The following RIN2 variants were observed in gnomAD, a reference collection of about 807,000 sequenced individuals.
RIN2 encodes RAB5 interacting protein 2.
RIN2 carries 36 observed loss-of-function variants against 78.0 expected under a neutral mutation model. The ratio of observed to expected loss-of-function variants is 0.46; its 90% CI spans 0.35 to 0.61. The LOEUF (loss-of-function observed/expected upper bound fraction) is 0.61, where lower values mean the gene tolerates loss of function less well. RIN2 is among the 20% of genes least tolerant of loss of function. RIN2 has a pLI of 0.00. For missense variants in RIN2, 1,087 were observed against 1,159.7 expected (o/e 0.94, Z 0.91); for synonymous variants, 466 against 466.8 (o/e 1.00, Z 0.02).
intron 3 of RIN2, among the ~76,000 whole-genome samples, chr20:19,920,328 C>T (rs1176103107): frequency 8.6e-5 from 13 of 151,892 alleles, no homozygotes; most frequent in Admixed American, 7.2e-4. Context: ...AACTTCATCC[C>T]TTGTGGTACT....
intron 2 of RIN2, among the ~76,000 whole-genome samples, chr20:19,879,464 C>T (rs2037953478): frequency 6.6e-6 from 1 of 152,198 alleles, no homozygotes; most frequent in Non-Finnish European, 1.5e-5. Context: ...AGACACTGTG[C>T]TTCCGCTGAC....
At chr20:19,945,035 TAGAATC>T (rs1323603676) in intron 4 of RIN2, among the ~76,000 whole-genome samples, 1 of 152,230 alleles carries the variant, frequency 6.6e-6, no homozygotes, top group Non-Finnish European at 1.5e-5. Context: ...TCCAGGCACT[TAGAATC>T]AGAAGTTCTT....
At chr20:19,860,532 A>G (rs1427037260) in intron 2 of RIN2, among the ~76,000 whole-genome samples, 2 of 152,132 alleles carry the variant, frequency 1.3e-5, no homozygotes, top group African/African-American at 4.8e-5. Flanking sequence ...CATGTTGGCC[A>G]TACTCGTCTC....
At chr20:19,759,181 A>T (rs1053114165) in intron 1 of RIN2, among the ~76,000 whole-genome samples, 1 of 152,238 alleles carries the variant, frequency 6.6e-6, no homozygotes, top group Non-Finnish European at 1.5e-5. Context: ...ATATGTTGCC[A>T]AGAAATACAG....
At chr20:19,943,751 G>C (rs1418870263) in intron 4 of RIN2, among the ~76,000 whole-genome samples, 1 of 151,998 alleles carries the variant, frequency 6.6e-6, no homozygotes, top group Admixed American at 6.6e-5. Flanking sequence ...AAATATGCAG[G>C]GGTCCTTCTA....
At chr20:19,819,868 T>A (rs1179006531) in intron 2 of RIN2, among the ~76,000 whole-genome samples, 1 of 152,082 alleles carries the variant, frequency 6.6e-6, no homozygotes, top group Admixed American at 6.6e-5. Context: ...CAAAAGCATA[T>A]AGCTATGAGT....
chr20:19,989,002 A>G (rs1249810102), intron 9 of RIN2, among the ~76,000 whole-genome samples: 1 of 152,092 alleles, frequency 6.6e-6, no homozygotes, highest in Non-Finnish European at 1.5e-5. Context: ...TTTTTTCTGA[A>G]CCATTTAAGT....
intron 1 of RIN2, among the ~76,000 whole-genome samples, chr20:19,785,281 C>CAA (rs1409113560): frequency 6.7e-6 from 1 of 149,430 alleles, no homozygotes; most frequent in Non-Finnish European, 1.5e-5. Context: ...TACATACACA[C>CAA]ACACACACAC....
chr20:19,901,543 A>G (rs1279164689), intron 3 of RIN2, among the ~76,000 whole-genome samples: 3 of 152,230 alleles, frequency 2.0e-5, no homozygotes, highest in Non-Finnish European at 4.4e-5. Context: ...CCTGGGGAAA[A>G]TGAACACTCA....
At chr20:19,785,941 C>T (rs1274735582) in intron 1 of RIN2, among the ~76,000 whole-genome samples, 1 of 152,200 alleles carries the variant, frequency 6.6e-6, no homozygotes, top group African/African-American at 2.4e-5. Context: ...GTGATAGTTT[C>T]TTCCCTGCCT....
At chr20:19,808,272 C>A (rs1222290920) in intron 2 of RIN2, among the ~76,000 whole-genome samples, 1 of 152,246 alleles carries the variant, frequency 6.6e-6, no homozygotes, top group Non-Finnish European at 1.5e-5. Flanking sequence ...CACAGGCCGC[C>A]CCTCTCCTCC....
intron 3 of RIN2, among the ~76,000 whole-genome samples, chr20:19,910,820 G>A (rs886824550): frequency 1.8e-4 from 28 of 151,988 alleles, no homozygotes; most frequent in African/African-American, 5.8e-4. Context: ...CGCCTGCCTC[G>A]GCCTCCCAAA....
chr20:19,889,343 G>A, intron 2 of RIN2: 1 of 1,241,124 alleles, frequency 8.1e-7, no homozygotes, highest in Non-Finnish European at 1.0e-6. Context: ...TACGTCAGTG[G>A]CAGAGGTGGG....
At chr20:19,883,337 CT>C (rs35438191) in intron 2 of RIN2, among the ~76,000 whole-genome samples, 67,351 of 118,490 alleles carry the variant, frequency 0.57, 18,622 homozygotes, top group East Asian at 0.82. Context: ...AAAGAGAGGA[CT>C]TTTTTTTTTT....
intron 4 of RIN2, among the ~76,000 whole-genome samples, chr20:19,948,442 T>A (rs1425532893): frequency 6.6e-6 from 1 of 152,206 alleles, no homozygotes; most frequent in Non-Finnish European, 1.5e-5. Context: ...TCTCCCAGGC[T>A]GGAGTGCAGT....
chr20:19,887,560 A>G (rs1193614707), intron 2 of RIN2, among the ~76,000 whole-genome samples: 1 of 152,130 alleles, frequency 6.6e-6, no homozygotes, highest in Non-Finnish European at 1.5e-5. Flanking sequence ...TTCAAACTGG[A>G]TGGTGAATTG....
intron 3 of RIN2, among the ~76,000 whole-genome samples, chr20:19,908,490 CAA>C (rs11482794): frequency 2.0e-4 from 22 of 110,722 alleles, no homozygotes; most frequent in Non-Finnish European, 1.8e-4. Flanking sequence ...GACTCCGTCT[CAA>C]AAAAAAAAAA....
At chr20:19,767,613 T>A (rs780694813) in intron 1 of RIN2, among the ~76,000 whole-genome samples, 1 of 151,994 alleles carries the variant, frequency 6.6e-6, no homozygotes, top group African/African-American at 2.4e-5. Context: ...GCGAGTTCAT[T>A]ATGGCACCAC....
intron 7 of RIN2, among the ~76,000 whole-genome samples, chr20:19,970,061 G>A (rs2042058163): frequency 6.6e-6 from 1 of 152,210 alleles, no homozygotes; most frequent in African/African-American, 2.4e-5. Context: ...TCTGCCATGT[G>A]TGTTTGTCCA....
Sources: allele counts gnomAD v4.1 joint callset (sites outside exome capture counted in the v4.1 genomes callset), GRCh38; gene constraint gnomAD v4.1.1; transcripts MANE v1.5; gene names NCBI Gene and HGNC (gene_info 2026-07-23, HGNC 2026-07-21).